The following WDFY4 variants were observed in gnomAD, a reference collection of about 807,000 sequenced individuals.
WDFY4 encodes the protein WD repeat- and FYVE domain-containing protein 4.
A neutral mutation model predicts 351.9 loss-of-function variants in WDFY4; 169 were observed. The observed-to-expected ratio is 0.48, with a 90% CI of 0.42 to 0.55. WDFY4 has a LOEUF of 0.55. Among genes scored for constraint, WDFY4 ranks in the 20% least tolerant of loss-of-function variants. The probability of loss-of-function intolerance (pLI) is 0.00; values close to 1 mark genes in which losing one functional copy is unlikely to be tolerated. For missense variants in WDFY4, 3,803 were observed against 3,935.6 expected (o/e 0.97, Z 0.90); for synonymous variants, 1,622 against 1,574.6 (o/e 1.03, Z -0.71).
At chr10:48,736,380 C>T in intron 11 of WDFY4, 1 of 581,446 alleles carries the variant, frequency 1.7e-6, no homozygotes, top group South Asian at 2.2e-5. Flanking sequence ...CTGCATAAGG[C>T]ATTTTCATTC....
chr10:48,830,587 A>C, intron 37 of WDFY4, 113 bp from the exon 38 acceptor site: 1 of 1,208,056 alleles, frequency 8.3e-7, no homozygotes, highest in Non-Finnish European at 1.1e-6. Flanking sequence ...GTGATGTTCA[A>C]GACCTTAAGT....
chr10:48,854,926 G>A (rs2069084591), intron 39 of WDFY4, among the ~76,000 whole-genome samples: 2 of 152,116 alleles, frequency 1.3e-5, no homozygotes, highest in South Asian at 4.1e-4. Context: ...AAAAGTCTGG[G>A]CTTTTGCCTT....
At chr10:48,804,312 C>T (rs763308040) in intron 25 of WDFY4, among the ~76,000 whole-genome samples, 5 of 152,168 alleles carry the variant, frequency 3.3e-5, no homozygotes, top group African/African-American at 4.8e-5. Context: ...TACTACATTT[C>T]GCACCCTGTA....
intron 1 of WDFY4, among the ~76,000 whole-genome samples, chr10:48,703,311 C>T (rs953145222): frequency 1.5e-4 from 23 of 152,306 alleles, no homozygotes; most frequent in African/African-American, 3.8e-4. Flanking sequence ...AGATCATTTA[C>T]GGCCATGCAT....
chr10:48,735,670 A>T (rs1004431823), intron 10 of WDFY4, among the ~76,000 whole-genome samples: 9 of 152,120 alleles, frequency 5.9e-5, no homozygotes, highest in East Asian at 1.9e-4. Context: ...GCAGTTTTTT[A>T]AAAAAATCAT....
chr10:48,754,763 T>G (rs1161456968), intron 12 of WDFY4, among the ~76,000 whole-genome samples: 1 of 152,114 alleles, frequency 6.6e-6, no homozygotes, highest in African/African-American at 2.4e-5. Context: ...CAATAAGTAT[T>G]TGCTCAGTTG....
chr10:48,826,861 G>A lies in WDFY4; in HGVS notation c.6173G>A (p.Ser2058Asn). 1 of 1,551,770 alleles carries A rather than the reference G, an allele frequency of 6.4e-7. No homozygotes were observed. The change falls in exon 36 of 62, where the codon AGC becomes AAC. Residue 2058 changes from serine (S) to asparagine (N), a missense_variant. Transcript: ENST00000325239. The part of the protein sequence containing the change: ...VVFATYNSNI[S>N]FLLCLMHCLL... ...TTTGCCACCTACAATTCCAACATCA[G>A]CTTCCTCCTGTGTCTCATGCATTGC...
intron 32 of WDFY4, among the ~76,000 whole-genome samples, chr10:48,818,370 T>C (rs2067695244): frequency 6.6e-6 from 1 of 152,226 alleles, no homozygotes; most frequent in Admixed American, 6.5e-5. Context: ...CTCTCTTAGC[T>C]AATCTTTTCC....
chr10:48,751,007 C>T (rs757918326), intron 12 of WDFY4, among the ~76,000 whole-genome samples: 3 of 152,226 alleles, frequency 2.0e-5, no homozygotes, highest in South Asian at 2.1e-4. Context: ...CTTGGACTCT[C>T]GTGCCTGGTG....
chr10:48,804,318 C>G (rs537271888), intron 25 of WDFY4, among the ~76,000 whole-genome samples: 33 of 152,182 alleles, frequency 2.2e-4, no homozygotes, highest in Non-Finnish European at 4.3e-4. Flanking sequence ...ATTTCGCACC[C>G]TGTACTTAGA....
chr10:48,750,186 G>A (rs1249117674), intron 12 of WDFY4, among the ~76,000 whole-genome samples: 1 of 152,208 alleles, frequency 6.6e-6, no homozygotes, highest in Non-Finnish European at 1.5e-5. Flanking sequence ...GGTAATTGTT[G>A]TGCCAGACCA....
At chr10:48,814,308 C>T (rs1382414589) in intron 31 of WDFY4, among the ~76,000 whole-genome samples, 2 of 152,194 alleles carry the variant, frequency 1.3e-5, no homozygotes, top group Non-Finnish European at 1.5e-5. Flanking sequence ...ACCTGTTTAT[C>T]ATTTGTTTAA....
At chr10:48,829,044 C>G (rs1007986056) in intron 37 of WDFY4, 148 bp downstream of exon 37, 1 of 572,036 alleles carries the variant, frequency 1.7e-6, no homozygotes, top group African/African-American at 1.9e-5. Context: ...TTTCAAAAAG[C>G]CAGAAGACTT....
At position 48,982,418 on chromosome 10, in the gene WDFY4, A is replaced by G. The variant is rs371545870; in HGVS notation, c.9489-91A>G. 4 of 1,175,652 alleles carry G rather than the reference A, an allele frequency of 3.4e-6. No homozygotes were observed. The East Asian group carries it at 1.1e-4, about 32-fold the overall frequency. The allele number at this position is 1,175,652 out of a possible 1,614,324, so 72.8% of individuals were successfully genotyped here. On this transcript the variant is annotated intron_variant, in intron 61 of 61. Transcript: ENST00000325239. ...AGGGGCAAGCTCCGCTGGGCCCCAGATAGAGCCCCAGAGTTGCAATATCCC... is the reference window on the plus strand; with the variant it reads ...AGGGGCAAGCTCCGCTGGGCCCCAGGTAGAGCCCCAGAGTTGCAATATCCC...
intron 2 of WDFY4, among the ~76,000 whole-genome samples, chr10:48,716,926 A>T (rs958069590): frequency 4.8e-4 from 73 of 152,204 alleles, no homozygotes; most frequent in African/African-American, 1.6e-3. Flanking sequence ...CTCTCCAGGG[A>T]TTAACATGTC....
intron 45 of WDFY4, among the ~76,000 whole-genome samples, chr10:48,899,983 G>A (rs374641950): frequency 1.3e-5 from 2 of 152,056 alleles, no homozygotes; most frequent in African/African-American, 2.4e-5. Flanking sequence ...TGGACCTTTC[G>A]CTTCCTGCTT....
At chr10:48,756,695 T>C (rs980094426) in intron 12 of WDFY4, among the ~76,000 whole-genome samples, 1 of 152,098 alleles carries the variant, frequency 6.6e-6, no homozygotes, top group Non-Finnish European at 1.5e-5. Context: ...TTCAAATGCT[T>C]TTTATGCATT....
intron 12 of WDFY4, among the ~76,000 whole-genome samples, chr10:48,747,496 T>C (rs2065050235): frequency 6.6e-6 from 1 of 152,184 alleles, no homozygotes. Context: ...TTTTACTTTT[T>C]CATTCTATCC....
In WDFY4 at chr10:48,786,610, A is replaced by G. The variant is rs7897559; in HGVS notation, c.3577-29A>G. 4.0e-3 allele frequency: 6,098 copies of G among 1,507,752 alleles called. 225 individuals carry two copies. The African/African-American group carries it at 0.076, about 19-fold the overall frequency. 93.4% of individuals were successfully genotyped at this position (1,507,752 alleles called of 1,614,324 possible). On this transcript the variant is annotated intron_variant, in intron 19 of 61. Transcript: ENST00000325239. ...TTGATTAACTCTGAGATCAAACACT[A>G]CTCACTCTTGTCCTTTTTATTTTAA...
Sources: gnomAD v4.1 joint callset for allele counts (sites outside exome capture counted in the v4.1 genomes callset) on GRCh38, gnomAD v4.1.1 for gene constraint, MANE v1.5 for transcripts, NCBI Gene and HGNC (gene_info 2026-07-23, HGNC 2026-07-21) for gene names.